The following ELP6 variants were observed in gnomAD, a reference collection of about 807,000 sequenced individuals.
The protein encoded by ELP6 is elongator acetyltransferase complex subunit 6, also known as elongator complex protein 6.
ELP6 carries 23 observed loss-of-function variants against 28.1 expected under a neutral mutation model. The ratio of observed to expected loss-of-function variants is 0.82; its 90% CI spans 0.59 to 1.16. The LOEUF is 1.16. ELP6 is among the 50% of genes most tolerant of loss of function. The pLI is 0.00. For synonymous variants in ELP6, 132 were observed against 135.8 expected, an observed-to-expected ratio of 0.97 and a Z score of 0.19; for missense variants, 313 against 334.6, an observed-to-expected ratio of 0.94 and a Z score of 0.50.
At chr3:47,513,060 G>T in intron 1 of ELP6, 1 of 960,558 alleles carries the variant, frequency 1.0e-6, no homozygotes, top group Non-Finnish European at 1.2e-6. Context: ...GCGAGATCTC[G>T]GGTCACTGCA....
At chr3:47,510,917 G>A (rs148368958) in intron 2 of ELP6, among the ~76,000 whole-genome samples, 1 of 152,322 alleles carries the variant, frequency 6.6e-6, no homozygotes, top group Non-Finnish European at 1.5e-5. Flanking sequence ...AGTGGGTGGA[G>A]AAGGGGAAGG....
intron 5 of ELP6, among the ~76,000 whole-genome samples, chr3:47,499,588 G>A (rs1708580567): frequency 6.6e-6 from 1 of 150,512 alleles, no homozygotes; most frequent in Non-Finnish European, 1.5e-5. Flanking sequence ...GGAGGCTGAG[G>A]CAGGAGAATC....
chr3:47,511,366 C>T (rs991316778), intron 1 of ELP6, 140 bp from the exon 2 acceptor site: 9 of 1,408,848 alleles, frequency 6.4e-6, no homozygotes, highest in Non-Finnish European at 2.8e-6. Flanking sequence ...TGCTAAGGTA[C>T]CCTGAAATGA....
At chr3:47,511,762 C>A in intron 1 of ELP6, 1 of 990,728 alleles carries the variant, frequency 1.0e-6, no homozygotes, top group Non-Finnish European at 1.2e-6. Context: ...GAGGCCTGAT[C>A]ATGGAGAGCT....
chr3:47,503,745 C>T (rs1427274991), intron 4 of ELP6, among the ~76,000 whole-genome samples: 1 of 151,900 alleles, frequency 6.6e-6, no homozygotes, highest in East Asian at 1.9e-4. Context: ...AAAAAATTAG[C>T]CGGGCATGGT....
intron 1 of ELP6, chr3:47,512,603 T>C (rs1709046523): frequency 1.0e-6 from 1 of 985,170 alleles, no homozygotes; most frequent in African/African-American, 1.7e-5. Context: ...AAGAGGTTAC[T>C]CCTACGTTAA....
chr3:47,504,865 T>C (rs1265562584), intron 3 of ELP6: 1 of 153,758 alleles, frequency 6.5e-6, no homozygotes, highest in African/African-American at 2.4e-5. Flanking sequence ...GAGGCTGAGG[T>C]AGGAGGATCA....
intron 6 of ELP6, chr3:47,496,927 T>C: frequency 1.0e-6 from 1 of 985,464 alleles, no homozygotes; most frequent in Non-Finnish European, 1.2e-6. Context: ...TACTGCTGAC[T>C]ACAATGCTCT....
rs560199451 is a variant in ELP6, at chr3:47,505,867, C to G, written c.205-1419G>C. ...GATTACAGGCGTGAGCCACCGTGCC[C>G]GGCCTAATTTTTTTATTTTTAGTAG... On this transcript the variant is annotated intron_variant, in intron 3 of 6. Coordinates refer to ENST00000296149, the MANE Select transcript of ELP6 (RefSeq NM_001031703.3). 3.3e-5 allele frequency among the ~76,000 whole-genome samples: 5 copies of G among 152,232 alleles called. No homozygotes were observed. In the East Asian group the frequency reaches 9.6e-4, roughly 29 times the overall value.
chr3:47,500,196 CA>C (rs1708606782), intron 5 of ELP6: 1 of 1,114,884 alleles, frequency 9.0e-7, no homozygotes, highest in Non-Finnish European at 1.1e-6. Context: ...CAATGGACAA[CA>C]AAATATACCG....
chr3:47,510,544 C>T (rs1708984608), intron 2 of ELP6, among the ~76,000 whole-genome samples: 2 of 152,180 alleles, frequency 1.3e-5, no homozygotes, highest in Non-Finnish European at 2.9e-5. Flanking sequence ...TCATGGCTCA[C>T]TGCAGCCTAA....
At chr3:47,500,151 A>G in intron 5 of ELP6, 1 of 1,155,484 alleles carries the variant, frequency 8.7e-7, no homozygotes. Flanking sequence ...GAAAAAAGGG[A>G]AAAGAATGAA....
intron 5 of ELP6, chr3:47,499,873 G>C (rs1708593641): frequency 2.4e-6 from 3 of 1,244,574 alleles, no homozygotes. Flanking sequence ...AGGAGAAGCT[G>C]CAGTGGGACC....
chr3:47,498,897 T>C (rs1708556867), intron 5 of ELP6, among the ~76,000 whole-genome samples: 1 of 152,044 alleles, frequency 6.6e-6, no homozygotes, highest in African/African-American at 2.4e-5. Flanking sequence ...ATGAGGTGTA[T>C]GGGAGCACAA....
rs753825070 is a variant in ELP6 at position 47,501,765 on chromosome 3, G to A, written c.410C>T (p.Thr137Met). 70 of 1,610,460 alleles carry A rather than the reference G, an allele frequency of 4.3e-5. No individual in the cohort carries two copies. Among genetic ancestry groups the A allele is most frequent in the South Asian group, 6.6e-5 (6 of 90,906 alleles). ...KPVDSGEARW[T>M]YPVLLVDDLS... ...GTCGTCCACCAACAGCACCGGGTAC[G>A]TCCACCGAGCCTCTCCACTGTCTAC... Residue 137 changes from threonine to methionine, a missense_variant, in exon 5 of 7, where the codon ACG becomes ATG. Coordinates refer to ENST00000296149, the MANE Select transcript of ELP6 (RefSeq NM_001031703.3).
chr3:47,506,869 A>C (rs907869006), intron 3 of ELP6, among the ~76,000 whole-genome samples: 4 of 152,188 alleles, frequency 2.6e-5, no homozygotes, highest in African/African-American at 9.6e-5. Context: ...AACGTCCATG[A>C]AATCTTCACA....
intron 4 of ELP6, 22 bp downstream of exon 4, chr3:47,504,308 G>A: frequency 6.3e-7 from 1 of 1,578,554 alleles, no homozygotes; most frequent in African/African-American, 1.4e-5. Context: ...TTGCTTCCGG[G>A]CTGGGCTGTA....
Position 47,504,424 on chromosome 3 carries a change from C to T in ELP6, c.229G>A (p.Glu77Lys), listed in dbSNP as rs914809301. Residue 77 changes from glutamate to lysine, a missense_variant, in exon 4 of 7, where the codon GAG becomes AAG. Transcript: ENST00000296149. ...TCAAGGAACACAAGCTGCCCACGCT[C>T]CCGCGCCATGGTCAGGCTGACACCC... Reference protein sequence around the residue: ...KLGVSLTMARERGQLVFLEGL... With the variant: ...KLGVSLTMARKRGQLVFLEGL... The T allele has an allele frequency of 1.2e-6, 2 of 1,607,392 alleles. No homozygotes were observed. The highest frequency in any genetic ancestry group is 1.7e-5 in the Admixed American group (1 of 59,376).
chr3:47,513,459 C>T, intron 1 of ELP6, 78 bp downstream of exon 1: 1 of 1,574,222 alleles, frequency 6.4e-7, no homozygotes, highest in Non-Finnish European at 8.6e-7. Context: ...TCCCCGGGGT[C>T]GTGCGCACCG....
Sources: gnomAD v4.1 joint callset for allele counts (sites outside exome capture counted in the v4.1 genomes callset) on GRCh38, gnomAD v4.1.1 for gene constraint, MANE v1.5 for transcripts, NCBI Gene and HGNC (gene_info 2026-07-23, HGNC 2026-07-21) for gene names.